The following NCAPD2 variants were observed in gnomAD, a reference collection of about 807,000 sequenced individuals.
NCAPD2 encodes non-SMC condensin I complex subunit D2.
A neutral mutation model predicts 164.5 loss-of-function variants in NCAPD2; 100 were observed. The observed-to-expected ratio is 0.61, with a 90% CI of 0.52 to 0.72. The LOEUF is 0.72. NCAPD2 is among the 30% of genes least tolerant of loss of function. The pLI is 0.00. For missense variants in NCAPD2, 1,560 were observed against 1,749.2 expected, an observed-to-expected ratio of 0.89 and a Z score of 1.93; for synonymous variants, 585 against 642.6, an observed-to-expected ratio of 0.91 and a Z score of 1.36.
intron 2 of NCAPD2, among the ~76,000 whole-genome samples, chr12:6,497,572 T>C (rs1945995511): frequency 1.3e-5 from 2 of 152,190 alleles, no homozygotes. Flanking sequence ...GTTCTTGCAT[T>C]AGTTTGCTGA....
In NCAPD2 at chr12:6,517,876, G is replaced by A. The variant is rs948695591; in HGVS notation, c.1506G>A (p.Glu502=). 3.1e-6 allele frequency: 5 copies of A among 1,614,056 alleles called. No individual in the cohort carries two copies. The highest frequency in any genetic ancestry group is 1.3e-5 in the African/African-American group (1 of 74,936). The change falls in exon 13 of 32, where the codon GAG becomes GAA. Residue 502 remains glutamate, a synonymous_variant. Coordinates refer to ENST00000315579, the MANE Select transcript of NCAPD2 (RefSeq NM_014865.4). ...TACAGCTTCCCCAGGGAGAGGAGGA[G>A]ATTCCTGAGCAAATTGCCAATACAG... ...QLLQLPQGEE[E]IPEQIANTET...
intron 18 of NCAPD2, 127 bp from the exon 19 acceptor site, chr12:6,525,941 A>G: frequency 2.2e-6 from 3 of 1,338,086 alleles, no homozygotes; most frequent in Non-Finnish European, 3.0e-6. Context: ...CCTGCGGCAG[A>G]GCCACGCTAT....
chr12:6,528,187 A>T lies in NCAPD2; in HGVS notation c.3158A>T (p.Asp1053Val). The change falls in exon 25 of 32, where the codon GAC (aspartate) becomes GTC (valine). Residue 1053 changes from aspartate to valine, a missense_variant. Coordinates refer to ENST00000315579, the MANE Select transcript of NCAPD2 (RefSeq NM_014865.4). This position sits in a 1 kb window ranked among gnomAD's most constrained non-coding sequence, Gnocchi z 5.1. Reference sequence around the variant, plus strand: ...CTTGCTCTTAGTGCCACTTTCTGCGACTCCCAGCTTCGTCTTCTGTTCACC... The same window carrying T: ...CTTGCTCTTAGTGCCACTTTCTGCGTCTCCCAGCTTCGTCTTCTGTTCACC... The part of the protein sequence containing the change: ...KFCMISATFC[D>V]SQLRLLFTML... 1 of 1,612,208 alleles carries T rather than the reference A, an allele frequency of 6.2e-7. No homozygotes were observed. Among genetic ancestry groups the T allele is most frequent in the Admixed American group, 1.7e-5 (1 of 59,750 alleles).
At position 6,527,003 on chromosome 12, in the gene NCAPD2, C is replaced by G; in HGVS notation, c.2847C>G (p.Leu949=). Residue 949 remains leucine (L), a synonymous_variant, in exon 22 of 32, where the codon CTC becomes CTG. Coordinates refer to ENST00000315579, the MANE Select transcript of NCAPD2 (RefSeq NM_014865.4). ...TGGAGCAGGCAGTGAGTGGAGAGCT[C>G]TGCCGGCGCCGAGTTCTCCGGGAAG... The part of the protein sequence containing the change: ...VHLEQAVSGE[L]CRRRVLREEQ... The G allele has an allele frequency of 6.2e-7, 1 of 1,614,070 alleles. No individual in the cohort carries two copies. The highest frequency in any genetic ancestry group is 8.5e-7 in the Non-Finnish European group (1 of 1,179,960).
rs772483826 is a variant in NCAPD2, at chr12:6,531,093, T to C, written c.4120+17T>C. The C allele has an allele frequency of 6.2e-7, 1 of 1,612,414 alleles. No individual in the cohort carries two copies. ...GTGAGGAAGGTATGATGCTCCCGCC[T>C]GTTCCCGGCCGAGAAGGCACACAGC... On this transcript the variant is annotated intron_variant, in intron 31 of 31. Transcript: ENST00000315579. The surrounding 1 kb of genome is among the most constrained non-coding windows in gnomAD (Gnocchi z 4.1).
intron 16 of NCAPD2, 108 bp downstream of exon 16, chr12:6,523,110 C>G: frequency 6.8e-7 from 1 of 1,475,562 alleles, no homozygotes; most frequent in Non-Finnish European, 9.3e-7. Context: ...AGTTCCAGAT[C>G]CATAGGCAGT....
At chr12:6,507,275 A>G (rs991786594) in intron 2 of NCAPD2, among the ~76,000 whole-genome samples, 2 of 152,214 alleles carry the variant, frequency 1.3e-5, no homozygotes, top group Non-Finnish European at 2.9e-5. Context: ...AGCCCATCTC[A>G]TGATACAAGA....
intron 2 of NCAPD2, among the ~76,000 whole-genome samples, chr12:6,495,909 A>G (rs984802493): frequency 3.9e-5 from 6 of 152,126 alleles, no homozygotes; most frequent in Non-Finnish European, 7.4e-5. Flanking sequence ...TGGTTTCGTC[A>G]TCTGTAAATA....
intron 2 of NCAPD2, among the ~76,000 whole-genome samples, chr12:6,505,094 TCA>T (rs1946086850): frequency 6.6e-6 from 1 of 152,176 alleles, no homozygotes; most frequent in African/African-American, 2.4e-5. Context: ...AGACAGAGTT[TCA>T]CTCTTGTTGC....
chr12:6,503,390 G>T (rs1292791601), intron 2 of NCAPD2, among the ~76,000 whole-genome samples: 1 of 152,112 alleles, frequency 6.6e-6, no homozygotes, highest in Non-Finnish European at 1.5e-5. Flanking sequence ...TAACTGGCAA[G>T]GGCCTTCTTG....
intron 9 of NCAPD2, among the ~76,000 whole-genome samples, chr12:6,516,195 CA>C (rs1229356308): frequency 1.1e-4 from 15 of 138,290 alleles, no homozygotes; most frequent in South Asian, 7.1e-4. Flanking sequence ...GACTCTGTCT[CA>C]AAAAAAAAAC....
intron 2 of NCAPD2, among the ~76,000 whole-genome samples, chr12:6,496,306 C>T (rs1945983969): frequency 6.6e-6 from 1 of 152,172 alleles, no homozygotes; most frequent in African/African-American, 2.4e-5. Flanking sequence ...ATGATCCACC[C>T]ACCTTGGCCT....
rs1039508399 is a variant in NCAPD2 at position 6,529,349 on chromosome 12, CCT to C, written c.3573-159_3573-158del. On this transcript the variant is annotated intron_variant, in intron 27 of 31. Transcript: ENST00000315579. Reference sequence around the variant, plus strand: ...CCTGAGCCGGGGGCGGGGTGGGGTCCCTCTCTGCTGAATGGGACAGGGCAAGG... The same window carrying C: ...CCTGAGCCGGGGGCGGGGTGGGGTCCCTCTGCTGAATGGGACAGGGCAAGG... 70 of 674,128 alleles carry C rather than the reference CCT, an allele frequency of 1.0e-4. No individual in the cohort carries two copies. The African/African-American group carries it at 1.2e-3, about 11-fold the overall frequency. The allele number at this position is 674,128 out of a possible 1,614,324, so 41.8% of individuals were successfully genotyped here. A position where few individuals can be genotyped will look rare whatever the true frequency, so the allele number is the denominator to read the frequency against.
chr12:6,525,947 G>A (rs1219008604), intron 18 of NCAPD2, 121 bp from the exon 19 acceptor site: 32 of 1,374,386 alleles, frequency 2.3e-5, no homozygotes, highest in Non-Finnish European at 2.8e-5. Flanking sequence ...GCAGAGCCAC[G>A]CTATAGTGCT....
intron 4 of NCAPD2, 122 bp downstream of exon 4, chr12:6,510,255 G>C (rs1368374519): frequency 8.7e-7 from 1 of 1,146,244 alleles, no homozygotes; most frequent in African/African-American, 1.5e-5. Context: ...TTGTGATTCA[G>C]TTGGTTTGGC....
Position 6,531,112 on chromosome 12 carries a change from A to G in NCAPD2, c.4120+36A>G. The G allele has an allele frequency of 6.2e-7, 1 of 1,611,506 alleles. No homozygotes were observed. Among genetic ancestry groups the G allele is most frequent in the Admixed American group, 1.7e-5 (1 of 59,976 alleles). On this transcript the variant is annotated intron_variant, in intron 31 of 31. Coordinates refer to ENST00000315579, the MANE Select transcript of NCAPD2 (RefSeq NM_014865.4). This position sits in a 1 kb window ranked among gnomAD's most constrained non-coding sequence, Gnocchi z 4.1. ...CCCGCCTGTTCCCGGCCGAGAAGGC[A>G]CACAGCTAGGGTGCAGAGGGCTGGT...
rs778570153 is a variant in NCAPD2 at position 6,527,908 on chromosome 12, T to C, written c.3019+20T>C. 2 of 1,613,882 alleles carry C rather than the reference T, an allele frequency of 1.2e-6. No individual in the cohort carries two copies. Among genetic ancestry groups the C allele is most frequent in the South Asian group, 2.2e-5 (2 of 91,074 alleles). On this transcript the variant is annotated intron_variant, in intron 23 of 31. Coordinates refer to ENST00000315579, the MANE Select transcript of NCAPD2 (RefSeq NM_014865.4). ...TGGATGGTAAGAAAAATGGCTGCACTCAGCAGTTTCTTCCCAATTAAGATA... is the reference window on the plus strand; with the variant it reads ...TGGATGGTAAGAAAAATGGCTGCACCCAGCAGTTTCTTCCCAATTAAGATA...
At chr12:6,526,679 C>A in intron 21 of NCAPD2, 64 bp downstream of exon 21, 1 of 1,558,516 alleles carries the variant, frequency 6.4e-7, no homozygotes. Flanking sequence ...GGGCCAGGAG[C>A]CACTGCCACC....
chr12:6,517,572 C>T, intron 11 of NCAPD2, 24 bp from the exon 12 acceptor site: 2 of 1,614,088 alleles, frequency 1.2e-6, no homozygotes, highest in Non-Finnish European at 8.5e-7. Context: ...ATTTACTGAC[C>T]CTGCTATTCA....
Sources: gnomAD v4.1 joint callset for allele counts (sites outside exome capture counted in the v4.1 genomes callset) on GRCh38, gnomAD v4.1.1 for gene constraint, Gnocchi (gnomAD v3.1) non-coding constraint, MANE v1.5 for transcripts, NCBI Gene and HGNC (gene_info 2026-07-23, HGNC 2026-07-21) for gene names.